DCC: variants seen among roughly 807,000 people sequenced by gnomAD.
The protein encoded by DCC is DCC netrin 1 receptor, also known as netrin receptor DCC.
In DCC, 58 loss-of-function variants were observed where a neutral mutation model predicts 172.5. The observed-to-expected ratio is 0.34, with a 90% CI of 0.27 to 0.42. The LOEUF is 0.42. DCC is among the 10% of genes least tolerant of loss of function. The pLI, the probability that DCC is intolerant of heterozygous loss-of-function variation, is 1.00. For synonymous variants in DCC, 709 were observed against 644.5 expected, an observed-to-expected ratio of 1.10 and a Z score of -1.52; for missense variants, 1,740 against 1,791.0, an observed-to-expected ratio of 0.97 and a Z score of 0.51.
intron 12 of DCC, among the ~76,000 whole-genome samples, chr18:53,304,857 C>T (rs55944954): frequency 0.011 from 1,642 of 152,246 alleles, 19 homozygotes; most frequent in Non-Finnish European, 0.014. Context: ...ACCTATGATA[C>T]GGTTTGACTG....
At chr18:52,448,971 A>G (rs920966717) in intron 1 of DCC, among the ~76,000 whole-genome samples, 3 of 152,262 alleles carry the variant, frequency 2.0e-5, no homozygotes, top group Non-Finnish European at 4.4e-5. Context: ...TGCTGCTGAT[A>G]AAGACATACC....
chr18:52,694,090 C>T (rs967093511), intron 1 of DCC, among the ~76,000 whole-genome samples: 1 of 151,984 alleles, frequency 6.6e-6, no homozygotes, highest in Non-Finnish European at 1.5e-5. Flanking sequence ...ATAGCATGTC[C>T]CCCAGTATGA....
intron 13 of DCC, among the ~76,000 whole-genome samples, chr18:53,309,966 A>C (rs927894473): frequency 6.9e-6 from 1 of 145,918 alleles, no homozygotes; most frequent in Admixed American, 6.9e-5. Context: ...ACGTGTGTGT[A>C]TATATATATA....
intron 2 of DCC, among the ~76,000 whole-genome samples, chr18:52,897,808 G>A (rs2039753063): frequency 6.6e-6 from 1 of 152,072 alleles, no homozygotes; most frequent in South Asian, 2.1e-4. Flanking sequence ...CCAACCACCT[G>A]GGAGTCTGTA....
chr18:52,953,032 A>G (rs750749172), intron 5 of DCC, among the ~76,000 whole-genome samples: 3 of 143,964 alleles, frequency 2.1e-5, no homozygotes, highest in African/African-American at 7.6e-5. Flanking sequence ...AAAAAAACTC[A>G]TAACATTGCC....
chr18:52,352,463 A>G (rs1984168336), intron 1 of DCC, among the ~76,000 whole-genome samples: 1 of 152,194 alleles, frequency 6.6e-6, no homozygotes, highest in South Asian at 2.1e-4. Flanking sequence ...GTTAGATCTG[A>G]CATAGTGCAA....
intron 12 of DCC, among the ~76,000 whole-genome samples, chr18:53,239,493 G>T (rs928911481): frequency 2.6e-5 from 4 of 152,116 alleles, no homozygotes; most frequent in Non-Finnish European, 5.9e-5. Context: ...GAGAGATGAT[G>T]GTTGTGCTGA....
intron 1 of DCC, among the ~76,000 whole-genome samples, chr18:52,342,414 C>T (rs1983691667): frequency 7.3e-6 from 1 of 137,856 alleles, no homozygotes; most frequent in Non-Finnish European, 1.5e-5. Context: ...TGGCTCTTCT[C>T]TCCCGGAGCT....
intron 19 of DCC, 125 bp downstream of exon 19, chr18:53,403,018 G>T (rs1367245207): frequency 4.0e-6 from 3 of 749,076 alleles, no homozygotes; most frequent in Non-Finnish European, 7.3e-6. Context: ...CTGACTCCAT[G>T]ACCCTTTTTG....
Position 53,085,957 on chromosome 18 carries a change from C to CTCTTCT in DCC, c.1261+19819_1261+19824dup, listed in dbSNP as rs747047237. Among the ~76,000 whole-genome samples the CTCTTCT allele has an allele frequency of 4.2e-4, 28 of 65,900 alleles. 2 individuals are homozygous for CTCTTCT. The highest frequency in any genetic ancestry group is 4.1e-3 in the South Asian group (12 of 2,912). 43.2% of individuals were successfully genotyped at this position (65,900 alleles called of 152,430 possible). A position where few individuals can be genotyped will look rare whatever the true frequency, so the allele number is the denominator to read the frequency against. ...CATTTCAGCTTTGGTGGAGTATTTT[C>CTCTTCT]TCTTCTTCTTCTTCTTCTTCTTCTT... On this transcript the variant is annotated intron_variant, in intron 7 of 28. Transcript: ENST00000442544.
At chr18:52,661,218 G>T (rs2035352458) in intron 1 of DCC, among the ~76,000 whole-genome samples, 1 of 152,156 alleles carries the variant, frequency 6.6e-6, no homozygotes, top group Non-Finnish European at 1.5e-5. Context: ...TTGAGGCAAT[G>T]GGTCACTTTG....
At chr18:52,899,762 T>C (rs913301400) in intron 2 of DCC, among the ~76,000 whole-genome samples, 2 of 152,008 alleles carry the variant, frequency 1.3e-5, no homozygotes, top group Non-Finnish European at 2.9e-5. Context: ...TGCCAAAGTG[T>C]TGGGATTATA....
intron 12 of DCC, among the ~76,000 whole-genome samples, chr18:53,278,185 ATAAT>A (rs200936460): frequency 0.021 from 3,130 of 152,244 alleles, 115 homozygotes; most frequent in African/African-American, 0.071. Context: ...AAAAATCTGA[ATAAT>A]TAACCTCATG....
At chr18:52,808,213 G>C (rs781359991) in intron 2 of DCC, among the ~76,000 whole-genome samples, 5 of 152,166 alleles carry the variant, frequency 3.3e-5, no homozygotes, top group Non-Finnish European at 5.9e-5. Flanking sequence ...TGAATCTATT[G>C]CTATGTCTAA....
intron 27 of DCC, among the ~76,000 whole-genome samples, chr18:53,513,576 A>G (rs377672443): frequency 1.6e-4 from 25 of 152,308 alleles, no homozygotes; most frequent in African/African-American, 5.8e-4. Flanking sequence ...CCCATCTCAC[A>G]TGCAGAGACA....
rs1568075127 is a variant in DCC at position 53,351,405 on chromosome 18, A to ATATATATACAGTG, written c.2359+11506_2359+11507insCAGTGTATATATA. On this transcript the variant is annotated intron_variant, in intron 15 of 28. Transcript: ENST00000442544. ...TACAGTATATATATATACAGTGTAT[A>ATATATATACAGTG]TATATATATATACACACTGTGTATA... is the stretch of plus-strand genomic sequence containing the variant. Among the ~76,000 whole-genome samples, 84 of 11,998 alleles carry ATATATATACAGTG rather than the reference A, an allele frequency of 7.0e-3. 6 individuals are homozygous for ATATATATACAGTG. The highest frequency in any genetic ancestry group is 0.02 in the Admixed American group (14 of 700). 7.9% of individuals were successfully genotyped at this position (11,998 alleles called of 152,430 possible). A position where few individuals can be genotyped will look rare whatever the true frequency, so the allele number is the denominator to read the frequency against.
intron 1 of DCC, among the ~76,000 whole-genome samples, chr18:52,367,285 C>T (rs930560515): frequency 6.6e-6 from 1 of 152,224 alleles, no homozygotes; most frequent in Non-Finnish European, 1.5e-5. Flanking sequence ...TCGCGCCTCT[C>T]CCTCCACACC....
rs1208206773 is a variant in DCC at position 53,177,141 on chromosome 18, G to A, written c.1419-1821G>A. Reference sequence around the variant, plus strand: ...GGGAATTGAACAATGAGATCACATGGACACAGGAAGGGGAATATCACACTC... The same window carrying A: ...GGGAATTGAACAATGAGATCACATGAACACAGGAAGGGGAATATCACACTC... On this transcript the variant is annotated intron_variant, in intron 8 of 28. Transcript: ENST00000442544. Among the ~76,000 whole-genome samples the A allele has an allele frequency of 5.3e-5, 8 of 149,778 alleles. No individual in the cohort carries two copies. The East Asian group carries it at 1.0e-3, about 19-fold the overall frequency.
chr18:53,482,412 G>A (rs985313879), intron 25 of DCC, among the ~76,000 whole-genome samples: 1 of 152,028 alleles, frequency 6.6e-6, no homozygotes, highest in Non-Finnish European at 1.5e-5. Context: ...CTATTAGAAA[G>A]TAAAATTTCT....
Sources: allele counts gnomAD v4.1 joint callset (sites outside exome capture counted in the v4.1 genomes callset), GRCh38; gene constraint gnomAD v4.1.1; transcripts MANE v1.5; gene names NCBI Gene and HGNC (gene_info 2026-07-23, HGNC 2026-07-21).